COL7A1: variants seen among roughly 807,000 people sequenced by gnomAD.
COL7A1 encodes collagen type VII alpha 1 chain.
In COL7A1, 296 loss-of-function variants were observed where a neutral mutation model predicts 456.2. The ratio of observed to expected loss-of-function variants is 0.65; its 90% CI spans 0.59 to 0.71. The LOEUF (loss-of-function observed/expected upper bound fraction) is 0.71, where lower values mean the gene tolerates loss of function less well. COL7A1 is among the 30% of genes least tolerant of loss of function. The probability of loss-of-function intolerance (pLI) is 0.00; values close to 1 mark genes in which losing one functional copy is unlikely to be tolerated. For missense variants in COL7A1, 3,441 were observed against 4,017.2 expected (o/e 0.86, Z 3.88); for synonymous variants, 1,464 against 1,525.9 (o/e 0.96, Z 0.95).
chr3:48,576,194 T>A, intron 71 of COL7A1, 55 bp downstream of exon 71: 1 of 1,608,700 alleles, frequency 6.2e-7, no homozygotes, highest in Non-Finnish European at 8.5e-7. Flanking sequence ...GATGGCAAGG[T>A]GGCCCCAATG....
Position 48,572,576 on chromosome 3 carries a change from G to A in COL7A1, c.6901-38C>T, listed in dbSNP as rs774423906. 27 of 921,108 alleles carry A rather than the reference G, an allele frequency of 2.9e-5. No individual in the cohort carries two copies. In the East Asian group the frequency reaches 3.8e-4, roughly 13 times the overall value. The allele number at this position is 921,108 out of a possible 1,614,324, so 57.1% of individuals were successfully genotyped here. On this transcript the variant is annotated intron_variant, in intron 88 of 118. Transcript: ENST00000681320. The surrounding 1 kb of genome is among the most constrained non-coding windows in gnomAD (Gnocchi z 4.6). Reference sequence around the variant, plus strand: ...CTAGTGAGTTTCCTCCTCCTCCCCCGCCCCCACCCTGCCACCCCCATGGCA... The same window carrying A: ...CTAGTGAGTTTCCTCCTCCTCCCCCACCCCCACCCTGCCACCCCCATGGCA...
Position 48,569,510 on chromosome 3 carries a change from G to A in COL7A1, c.7615-64C>T. On this transcript the variant is annotated intron_variant, in intron 102 of 118. Coordinates refer to ENST00000681320, the MANE Select transcript of COL7A1 (RefSeq NM_000094.4). This position sits in a 1 kb window ranked among gnomAD's most constrained non-coding sequence, Gnocchi z 4.9. ...AAGGTCCCTCACCCTCTGGGAGTTT[G>A]AGCTCTCAGATGCCCTGGGCCAGCC... 6.2e-6 allele frequency: 10 copies of A among 1,612,926 alleles called. No homozygotes were observed. The South Asian group carries it at 9.9e-5, about 16-fold the overall frequency.
chr3:48,583,362 C>T lies in COL7A1; in HGVS notation c.4437+31G>A, dbSNP rs1342273384. 1 of 1,613,990 alleles carries T rather than the reference C, an allele frequency of 6.2e-7. No homozygotes were observed. Among genetic ancestry groups the T allele is most frequent in the East Asian group, 2.2e-5 (1 of 44,872 alleles). ...CCATGGGGAGCCCAGAGTAGCACCC[C>T]TCACACCTGAATCCCCCAACTGGTA... On this transcript the variant is annotated intron_variant, in intron 42 of 118. Transcript: ENST00000681320. This position sits in a 1 kb window ranked among gnomAD's most constrained non-coding sequence, Gnocchi z 5.1.
chr3:48,587,244 T>C lies in COL7A1; in HGVS notation c.3085A>G (p.Thr1029Ala), dbSNP rs894119129. The part of the protein sequence containing the change: ...EPGVSYIFSL[T>A]PVLDGVRGPE... ...CCCCGCACACCATCCAGGACAGGCG[T>C]CAGGGAGAAGATGTAAGAGACGCCA... The change falls in exon 24 of 119, where the codon ACG becomes GCG. Residue 1029 changes from threonine to alanine, a missense_variant. Physicochemically the swap from Thr to Ala is moderately conservative, Grantham distance 58. Transcript: ENST00000681320. This position sits in a 1 kb window ranked among gnomAD's most constrained non-coding sequence, Gnocchi z 6.1. 1 of 1,613,044 alleles carries C rather than the reference T, an allele frequency of 6.2e-7. No homozygotes were observed. Among genetic ancestry groups the C allele is most frequent in the Non-Finnish European group, 8.5e-7 (1 of 1,179,750 alleles).
rs368634417 is a variant in COL7A1, at chr3:48,588,370, G to A, written c.2622C>T (p.His874=). 5.7e-5 allele frequency: 92 copies of A among 1,611,960 alleles called. No individual in the cohort carries two copies. The highest frequency in any genetic ancestry group is 5.5e-4 in the African/African-American group (41 of 74,922). The part of the protein sequence containing the change: ...PEAPPALGTL[H]VVQRGEHSLR... ...GCGAGTGCTCCCCGCGCTGCACCAC[G>A]TGAAGCGTCCCCAGGGCTGGCGGAG... Residue 874 remains histidine (H), a synonymous_variant, in exon 21 of 119, where the codon CAC becomes CAT. Transcript: ENST00000681320. The surrounding 1 kb of genome is among the most constrained non-coding windows in gnomAD (Gnocchi z 4.6).
At position 48,584,754 on chromosome 3, in the gene COL7A1, G is replaced by A. The variant is rs761234904; in HGVS notation, c.4027C>T (p.Arg1343Ter). Residue 1343 changes from arginine (R) to a stop codon, truncating the protein, a stop_gained, in exon 35 of 119, where the codon CGA (arginine) becomes TGA (stop). Coordinates refer to ENST00000681320, the MANE Select transcript of COL7A1 (RefSeq NM_000094.4). LOFTEE classifies it high-confidence loss of function. ...CCTACCGGCTCCCCCTTTGGGCCTC[G>A]AGGTCCTCGCTCTCCCTGAGGACGA... ...PRGDPGERGPRGPKGEPGAPG... is the reference protein window; with the variant it reads ...PRGDPGERGP 1.5e-5 allele frequency: 24 copies of A among 1,613,778 alleles called. No individual in the cohort carries two copies. The highest frequency in any genetic ancestry group is 4.0e-5 in the African/African-American group (3 of 74,892).
chr3:48,587,714 A>G lies in COL7A1; in HGVS notation c.2857+79T>C. ...GGGTGAGGGGTAGGGGTACAGGAGGAGTCACTCAGAGTCGGGGTGCAGGAA... is the reference window on the plus strand; with the variant it reads ...GGGTGAGGGGTAGGGGTACAGGAGGGGTCACTCAGAGTCGGGGTGCAGGAA... On this transcript the variant is annotated intron_variant, in intron 22 of 118. Coordinates refer to ENST00000681320, the MANE Select transcript of COL7A1 (RefSeq NM_000094.4). The surrounding 1 kb of genome is among the most constrained non-coding windows in gnomAD (Gnocchi z 6.1). 2 of 1,607,506 alleles carry G rather than the reference A, an allele frequency of 1.2e-6. No homozygotes were observed. The highest frequency in any genetic ancestry group is 1.7e-6 in the Non-Finnish European group (2 of 1,174,840).
Position 48,566,966 on chromosome 3 carries a change from G to A in COL7A1, c.8167C>T (p.Pro2723Ser), listed in dbSNP as rs774540354. 3.7e-6 allele frequency: 6 copies of A among 1,611,652 alleles called. No homozygotes were observed. The Admixed American group carries it at 1.0e-4, about 27-fold the overall frequency. Residue 2723 changes from proline to serine, a missense_variant, in exon 111 of 119, where the codon CCC becomes TCC. Pro to Ser is a moderately conservative substitution (Grantham distance 74, BLOSUM62 -1). This residue lies in a region of COL7A1 where 2,084 missense variants were observed against 2,501.3 expected (regional missense o/e 0.83). Transcript: ENST00000681320. This position sits in a 1 kb window ranked among gnomAD's most constrained non-coding sequence, Gnocchi z 5.9. The part of the protein sequence containing the change: ...GPSGNDGSAG[P>S]PGPPGSVGPR... Reference sequence around the variant, plus strand: ...CCAACACTGCCAGGTGGCCCTGGGGGACCAGCAGAGCCATCATTTCCACTG... The same window carrying A: ...CCAACACTGCCAGGTGGCCCTGGGGAACCAGCAGAGCCATCATTTCCACTG...
rs922691071 is a variant in COL7A1, at chr3:48,566,503, C to T, written c.8358+7G>A. The T allele has an allele frequency of 1.9e-6, 3 of 1,614,034 alleles. No individual in the cohort carries two copies. The African/African-American group carries it at 4.0e-5, about 22-fold the overall frequency. Reference sequence around the variant, plus strand: ...GCCCTCCCAGGCCCATCCAGGCCCACACTCACCGTCAGTGCAGCTTCTCCC... The same window carrying T: ...GCCCTCCCAGGCCCATCCAGGCCCATACTCACCGTCAGTGCAGCTTCTCCC... On this transcript the variant is annotated splice_region_variant and intron_variant, in intron 113 of 118. Transcript: ENST00000681320. This position sits in a 1 kb window ranked among gnomAD's most constrained non-coding sequence, Gnocchi z 5.9.
Position 48,590,427 on chromosome 3 carries a change from T to C in COL7A1, c.1906+32A>G, listed in dbSNP as rs763409219. ...TGGCACCCATACCCTCATTGGTCCC[T>C]TTGGCAGTCCCCCCACACACCCCAC... On this transcript the variant is annotated intron_variant, in intron 15 of 118. Transcript: ENST00000681320. The surrounding 1 kb of genome is among the most constrained non-coding windows in gnomAD (Gnocchi z 4.6). 2 of 1,613,968 alleles carry C rather than the reference T, an allele frequency of 1.2e-6. No homozygotes were observed. Among genetic ancestry groups the C allele is most frequent in the Non-Finnish European group, 1.7e-6 (2 of 1,180,006 alleles).
Position 48,593,193 on chromosome 3 carries a change from G to C in COL7A1, c.591C>G (p.Phe197Leu), listed in dbSNP as rs775708194. The change falls in exon 6 of 119, where the codon TTC (phenylalanine) becomes TTG (leucine). Residue 197 changes from phenylalanine (F) to leucine (L), a missense_variant. Physicochemically the swap from Phe to Leu is conservative, Grantham distance 22. Coordinates refer to ENST00000681320, the MANE Select transcript of COL7A1 (RefSeq NM_000094.4). The surrounding 1 kb of genome is among the most constrained non-coding windows in gnomAD (Gnocchi z 4.4). Reference protein sequence around the residue: ...ASQPTSDFFFFVNDFSILRTL... With the variant: ...ASQPTSDFFFLVNDFSILRTL... Reference sequence around the variant, plus strand: ...TCCTCAAGATGCTGAAGTCATTGACGAAGAAGAAGAAGTCACTGGTGGGCT... The same window carrying C: ...TCCTCAAGATGCTGAAGTCATTGACCAAGAAGAAGAAGTCACTGGTGGGCT... 6 of 1,613,582 alleles carry C rather than the reference G, an allele frequency of 3.7e-6. No individual in the cohort carries two copies. Among genetic ancestry groups the C allele is most frequent in the Non-Finnish European group, 5.1e-6 (6 of 1,179,822 alleles).
In COL7A1 at chr3:48,580,497, AG is replaced by A; in HGVS notation, c.5052+83del. The A allele has an allele frequency of 1.3e-6, 2 of 1,522,640 alleles. No homozygotes were observed. Among genetic ancestry groups the A allele is most frequent in the South Asian group, 2.3e-5 (2 of 86,924 alleles). The allele number at this position is 1,522,640 out of a possible 1,614,324, so 94.3% of individuals were successfully genotyped here. Reference sequence around the variant, plus strand: ...GAAGATTGGGAGGGTTTAGCATTACAGGGTTGGGGGGTAGGATCAGGTATTG... The same window carrying A: ...GAAGATTGGGAGGGTTTAGCATTACAGGTTGGGGGGTAGGATCAGGTATTG... On this transcript the variant is annotated intron_variant, in intron 55 of 118. Transcript: ENST00000681320. The surrounding 1 kb of genome is among the most constrained non-coding windows in gnomAD (Gnocchi z 4.5).
chr3:48,570,523 G>A lies in COL7A1; in HGVS notation c.7345-23C>T. 1.2e-6 allele frequency: 2 copies of A among 1,613,968 alleles called. No homozygotes were observed. The highest frequency in any genetic ancestry group is 1.7e-6 in the Non-Finnish European group (2 of 1,179,948). ...TCCCTGTAGGTCAGAGTGAGGTGAGGGTCCTGTGGCTCTCAAAGCGCCTCC... is the reference window on the plus strand; with the variant it reads ...TCCCTGTAGGTCAGAGTGAGGTGAGAGTCCTGTGGCTCTCAAAGCGCCTCC... On this transcript the variant is annotated intron_variant, in intron 96 of 118. Coordinates refer to ENST00000681320, the MANE Select transcript of COL7A1 (RefSeq NM_000094.4). The surrounding 1 kb of genome is among the most constrained non-coding windows in gnomAD (Gnocchi z 5.5).
Position 48,591,596 on chromosome 3 carries a change from T to C in COL7A1, c.1508-4A>G. 5 of 1,613,556 alleles carry C rather than the reference T, an allele frequency of 3.1e-6. No homozygotes were observed. Among genetic ancestry groups the C allele is most frequent in the Non-Finnish European group, 4.2e-6 (5 of 1,179,960 alleles). ...GGGCTCACAGGCAGCTCTGGTCCTG[T>C]TGGAGAGCACAGCATAGAGGCAGCC... On this transcript the variant is annotated splice_polypyrimidine_tract_variant and splice_region_variant and intron_variant, in intron 12 of 118. Coordinates refer to ENST00000681320, the MANE Select transcript of COL7A1 (RefSeq NM_000094.4). This position sits in a 1 kb window ranked among gnomAD's most constrained non-coding sequence, Gnocchi z 7.0.
Position 48,565,578 on chromosome 3 carries a change from T to G in COL7A1, c.8440+58A>C. 1 of 1,613,928 alleles carries G rather than the reference T, an allele frequency of 6.2e-7. No homozygotes were observed. Among genetic ancestry groups the G allele is most frequent in the Non-Finnish European group, 8.5e-7 (1 of 1,179,886 alleles). Reference sequence around the variant, plus strand: ...GCCAACCCCCCTGAGAGGACCCCAGTTGATAGGCAGGGCAGGGCCTGGGGT... The same window carrying G: ...GCCAACCCCCCTGAGAGGACCCCAGGTGATAGGCAGGGCAGGGCCTGGGGT... On this transcript the variant is annotated intron_variant, in intron 115 of 118. Coordinates refer to ENST00000681320, the MANE Select transcript of COL7A1 (RefSeq NM_000094.4). This position sits in a 1 kb window ranked among gnomAD's most constrained non-coding sequence, Gnocchi z 4.5.
chr3:48,589,856 G>T, intron 16 of COL7A1, 138 bp from the exon 17 acceptor site: 1 of 1,268,216 alleles, frequency 7.9e-7, no homozygotes, highest in East Asian at 2.4e-5. Flanking sequence ...GTGGAGGAGT[G>T]GGGAGGTGGA....
Position 48,570,401 on chromosome 3 carries a change from T to C in COL7A1, c.7380+64A>G. 1 of 1,612,732 alleles carries C rather than the reference T, an allele frequency of 6.2e-7. No homozygotes were observed. The highest frequency in any genetic ancestry group is 2.2e-5 in the East Asian group (1 of 44,820). On this transcript the variant is annotated intron_variant, in intron 97 of 118. Transcript: ENST00000681320. The surrounding 1 kb of genome is among the most constrained non-coding windows in gnomAD (Gnocchi z 5.5). ...GTGGGGGACGCAGGGTCATGGGAGGTCAGTGGAGGCTGAAGGGGGTGACCA... is the reference window on the plus strand; with the variant it reads ...GTGGGGGACGCAGGGTCATGGGAGGCCAGTGGAGGCTGAAGGGGGTGACCA...
chr3:48,570,386 C>T lies in COL7A1; in HGVS notation c.7381-52G>A, dbSNP rs2043832952. 4 of 1,613,810 alleles carry T rather than the reference C, an allele frequency of 2.5e-6. No homozygotes were observed. The highest frequency in any genetic ancestry group is 3.4e-6 in the Non-Finnish European group (4 of 1,179,900). On this transcript the variant is annotated intron_variant, in intron 97 of 118. Transcript: ENST00000681320. This position sits in a 1 kb window ranked among gnomAD's most constrained non-coding sequence, Gnocchi z 5.5. ...CAGTGAGGGGAATCAGTGGGGGACG[C>T]AGGGTCATGGGAGGTCAGTGGAGGC...
At position 48,579,523 on chromosome 3, in the gene COL7A1, T is replaced by C; in HGVS notation, c.5236-8A>G. On this transcript the variant is annotated splice_polypyrimidine_tract_variant and splice_region_variant and intron_variant, in intron 59 of 118. Transcript: ENST00000681320. This position sits in a 1 kb window ranked among gnomAD's most constrained non-coding sequence, Gnocchi z 4.4. ...CCGAAACCCTTCAATGCCCTGAGGATAGGGGAGGAAGAAATCAGAGCAGGC... is the reference window on the plus strand; with the variant it reads ...CCGAAACCCTTCAATGCCCTGAGGACAGGGGAGGAAGAAATCAGAGCAGGC... The C allele has an allele frequency of 8.7e-6, 14 of 1,613,878 alleles. No homozygotes were observed. The highest frequency in any genetic ancestry group is 1.2e-5 in the Non-Finnish European group (14 of 1,179,990).
Sources: gnomAD v4.1 joint callset for allele counts on GRCh38, gnomAD v4.1.1 for gene constraint, gnomAD v4.1.1 regional missense constraint, Gnocchi (gnomAD v3.1) non-coding constraint, MANE v1.5 for transcripts, NCBI Gene and HGNC (gene_info 2026-07-23, HGNC 2026-07-21) for gene names.